PDE3A: variants seen among roughly 807,000 people sequenced by gnomAD.
The protein encoded by PDE3A is phosphodiesterase 3A.
PDE3A carries 43 observed loss-of-function variants against 98.3 expected under a neutral mutation model. The ratio of observed to expected loss-of-function variants is 0.44; its 90% confidence interval spans 0.34 to 0.56. PDE3A has a LOEUF of 0.56. Ranked by LOEUF, PDE3A falls within the 20% of genes least tolerant of loss-of-function variation. PDE3A has a pLI of 0.01. For synonymous variants in PDE3A, 663 were observed against 567.9 expected (o/e 1.17, Z -2.38); for missense variants, 1,427 against 1,440.7 (o/e 0.99, Z 0.15).
chr12:20,445,673 C>A (rs1944941917), intron 1 of PDE3A, among the ~76,000 whole-genome samples: 1 of 152,084 alleles, frequency 6.6e-6, no homozygotes, highest in Non-Finnish European at 1.5e-5. Flanking sequence ...ATGGCCTCAC[C>A]TTTTCTTTCT....
intron 1 of PDE3A, among the ~76,000 whole-genome samples, chr12:20,419,341 G>A (rs1019572947): frequency 3.3e-5 from 5 of 152,138 alleles, no homozygotes; most frequent in Non-Finnish European, 7.4e-5. Flanking sequence ...CATTGAGGGT[G>A]GAGTGCAGTG....
At chr12:20,555,729 A>G (rs1942353602) in intron 1 of PDE3A, among the ~76,000 whole-genome samples, 1 of 152,218 alleles carries the variant, frequency 6.6e-6, no homozygotes, top group African/African-American at 2.4e-5. Flanking sequence ...TACCAGTAGC[A>G]CTGTATGTCT....
At chr12:20,663,148 G>C (rs552553496) in intron 15 of PDE3A, among the ~76,000 whole-genome samples, 1 of 152,348 alleles carries the variant, frequency 6.6e-6, no homozygotes, top group African/African-American at 2.4e-5. Flanking sequence ...GCAGAAGACA[G>C]AAATTGAGGT....
At chr12:20,525,074 G>T (rs1946491588) in intron 1 of PDE3A, among the ~76,000 whole-genome samples, 1 of 152,126 alleles carries the variant, frequency 6.6e-6, no homozygotes, top group African/African-American at 2.4e-5. Flanking sequence ...GGAGGTTGTG[G>T]TGAGCCGAGA....
chr12:20,659,476 T>C (rs1945111478), intron 15 of PDE3A, among the ~76,000 whole-genome samples: 1 of 152,180 alleles, frequency 6.6e-6, no homozygotes, highest in African/African-American at 2.4e-5. Context: ...ACTTTTCTTT[T>C]TTTTCTTGCT....
intron 1 of PDE3A, among the ~76,000 whole-genome samples, chr12:20,546,038 T>G (rs1942048052): frequency 6.6e-6 from 1 of 151,996 alleles, no homozygotes; most frequent in African/African-American, 2.4e-5. Context: ...CTGTGGCTGC[T>G]AGTCACATCT....
At chr12:20,513,100 T>C (rs993455319) in intron 1 of PDE3A, among the ~76,000 whole-genome samples, 1 of 152,174 alleles carries the variant, frequency 6.6e-6, no homozygotes, top group Non-Finnish European at 1.5e-5. Flanking sequence ...ACATAATGTA[T>C]GCCCTTGAGC....
At chr12:20,443,438 CATT>C (rs771542636) in intron 1 of PDE3A, among the ~76,000 whole-genome samples, 4 of 151,982 alleles carry the variant, frequency 2.6e-5, no homozygotes, top group African/African-American at 4.8e-5. Flanking sequence ...GGTAATACCT[CATT>C]TTTTTTTAGA....
chr12:20,569,561 C>A (rs1461003842), intron 2 of PDE3A, among the ~76,000 whole-genome samples: 2 of 152,006 alleles, frequency 1.3e-5, no homozygotes, highest in African/African-American at 4.8e-5. Flanking sequence ...ATATTTTTAT[C>A]ATTAATTAAT....
chr12:20,548,973 T>C (rs1942128995), intron 1 of PDE3A, among the ~76,000 whole-genome samples: 1 of 152,164 alleles, frequency 6.6e-6, no homozygotes, highest in Non-Finnish European at 1.5e-5. Flanking sequence ...CCATTTTTTT[T>C]TATTTGTTGT....
At chr12:20,390,199 C>A (rs1444160881) in intron 1 of PDE3A, among the ~76,000 whole-genome samples, 1 of 151,444 alleles carries the variant, frequency 6.6e-6, no homozygotes, top group African/African-American at 2.4e-5. Context: ...GATGTGGGGC[C>A]GGTGTGGAGA....
intron 1 of PDE3A, among the ~76,000 whole-genome samples, chr12:20,479,439 T>G (rs1017481211): frequency 4.6e-5 from 7 of 152,198 alleles, no homozygotes; most frequent in African/African-American, 1.7e-4. Flanking sequence ...CTAAATTTCT[T>G]TCAGTGTTTT....
At chr12:20,470,790 G>A (rs55848999) in intron 1 of PDE3A, among the ~76,000 whole-genome samples, 6,085 of 152,162 alleles carry the variant, frequency 0.04, 173 homozygotes, top group Middle Eastern at 0.065. Context: ...AACCCGAATT[G>A]ATATGTTGAA....
At position 20,380,839 on chromosome 12, in the gene PDE3A, A is replaced by G. The variant is rs572896313; in HGVS notation, c.960+10595A>G. Among the ~76,000 whole-genome samples the G allele has an allele frequency of 3.3e-5, 5 of 152,036 alleles. No individual in the cohort carries two copies. In the East Asian group the frequency reaches 9.7e-4, roughly 29 times the overall value. ...TTACAAACTGAGACATTCACTATAAATTAAATTGAAATAATCAAAATATAA... is the reference window on the plus strand; with the variant it reads ...TTACAAACTGAGACATTCACTATAAGTTAAATTGAAATAATCAAAATATAA... On this transcript the variant is annotated intron_variant, in intron 1 of 15. Transcript: ENST00000359062.
Position 20,680,249 on chromosome 12 carries a change from C to T in PDE3A, c.3404C>T (p.Pro1135Leu). ...GGGAAACCAAGAGGCGAGGAGATACCAACCCAAAAGCCAGACCAGTGACAA... is the reference window on the plus strand; with the variant it reads ...GGGAAACCAAGAGGCGAGGAGATACTAACCCAAAAGCCAGACCAGTGACAA... Reference protein sequence around the residue: ...EKGKPRGEEIPTQKPDQ With the variant: ...EKGKPRGEEILTQKPDQ Residue 1135 changes from proline to leucine, a missense_variant, in exon 16 of 16, where the codon CCA becomes CTA. Physicochemically the swap from Pro to Leu is moderately conservative, Grantham distance 98 (BLOSUM62 -3). This residue lies in a region of PDE3A where 142 missense variants were observed against 133.9 expected (regional missense o/e 1.06). Transcript: ENST00000359062. The T allele has an allele frequency of 6.2e-7, 1 of 1,613,832 alleles. No individual in the cohort carries two copies. Among genetic ancestry groups the T allele is most frequent in the Non-Finnish European group, 8.5e-7 (1 of 1,179,856 alleles).
chr12:20,637,956 G>A (rs1227754503), intron 9 of PDE3A, among the ~76,000 whole-genome samples: 1 of 152,138 alleles, frequency 6.6e-6, no homozygotes. Context: ...AGAGGATGGT[G>A]TGATAATATG....
chr12:20,572,149 C>T (rs542216172), intron 2 of PDE3A: 11 of 1,275,490 alleles, frequency 8.6e-6, no homozygotes, highest in Middle Eastern at 2.4e-4. Context: ...TTTTCCAAAT[C>T]GTGGAGCTTC....
intron 6 of PDE3A, among the ~76,000 whole-genome samples, chr12:20,630,972 T>C (rs1402065222): frequency 6.6e-6 from 1 of 152,172 alleles, no homozygotes; most frequent in African/African-American, 2.4e-5. Context: ...TATTACCTCA[T>C]AGACTCAGAT....
chr12:20,457,246 T>C (rs1934817354), intron 1 of PDE3A, among the ~76,000 whole-genome samples: 1 of 151,288 alleles, frequency 6.6e-6, no homozygotes, highest in Non-Finnish European at 1.5e-5. Context: ...GTTATTATTA[T>C]TATTCTATTA....
Sources: allele counts gnomAD v4.1 joint callset (sites outside exome capture counted in the v4.1 genomes callset), GRCh38; gene constraint gnomAD v4.1.1; regional missense constraint gnomAD v4.1.1; transcripts MANE v1.5; gene names NCBI Gene and HGNC (gene_info 2026-07-23, HGNC 2026-07-21).